Variants in ACBD5 observed in about 807,000 individuals in gnomAD.
The protein encoded by ACBD5 is acyl-CoA-binding domain-containing protein 5.
A neutral mutation model predicts 71.8 loss-of-function variants in ACBD5; 40 were observed. The observed-to-expected ratio is 0.56, with a 90% confidence interval of 0.43 to 0.72. ACBD5 has a LOEUF of 0.72. Among genes scored for constraint, ACBD5 ranks in the 30% least tolerant of loss-of-function variants. ACBD5 has a pLI of 0.00. For missense variants in ACBD5, 559 were observed against 644.5 expected (o/e 0.87, Z 1.44); for synonymous variants, 229 against 218.6 (o/e 1.05, Z -0.42).
chr10:27,239,586 AG>A, intron 2 of ACBD5, among the ~76,000 whole-genome samples: 1 of 128,150 alleles, frequency 7.8e-6, no homozygotes, highest in Non-Finnish European at 1.6e-5. Context: ...GCAAATAAAA[AG>A]GTAGAAAATA....
At chr10:27,234,529 T>C (rs1022530782) in intron 3 of ACBD5, among the ~76,000 whole-genome samples, 1 of 149,082 alleles carries the variant, frequency 6.7e-6, no homozygotes, top group South Asian at 2.1e-4. Flanking sequence ...TCCATGAAAG[T>C]AAAGATTAAC....
chr10:27,237,988 C>G (rs998733614), intron 2 of ACBD5, among the ~76,000 whole-genome samples: 3 of 150,164 alleles, frequency 2.0e-5, no homozygotes, highest in Non-Finnish European at 3.0e-5. Flanking sequence ...GAGTCTGGCT[C>G]TGTCACCCAG....
chr10:27,224,049 A>G (rs558373158), intron 4 of ACBD5, among the ~76,000 whole-genome samples: 8 of 152,104 alleles, frequency 5.3e-5, no homozygotes, highest in Non-Finnish European at 1.0e-4. Flanking sequence ...AATTTTATAC[A>G]ATAACTTATA....
chr10:27,219,856 A>T lies in ACBD5; in HGVS notation c.492T>A (p.Asp164Glu). ...GAGTAGAAGTGAGAACATTACCAAG[A>T]TCTAAAACATGAAATGACCACTTAC... ...KSGRSSDITS[D>E]LGNVLTSTPN... The change falls in exon 6 of 13, where the codon GAT becomes GAA. Residue 164 changes from aspartate (D) to glutamate (E), a missense_variant and splice_region_variant. Transcript: ENST00000396271. The T allele has an allele frequency of 6.2e-7, 1 of 1,613,764 alleles. No homozygotes were observed. Among genetic ancestry groups the T allele is most frequent in the Non-Finnish European group, 8.5e-7 (1 of 1,179,852 alleles).
At position 27,195,316 on chromosome 10, in the gene ACBD5, T is replaced by A. The variant is rs1263857836; in HGVS notation, c.*2114A>T. On this transcript the variant is annotated 3_prime_UTR_variant, in exon 13 of 13. Coordinates refer to ENST00000396271, the MANE Select transcript of ACBD5 (RefSeq NM_145698.5). ...AGCTGTCAAGTTTAAATGAGGTTCTTATTAAACAAAGCAGGAACACTATAT... is the reference window on the plus strand; with the variant it reads ...AGCTGTCAAGTTTAAATGAGGTTCTAATTAAACAAAGCAGGAACACTATAT... 2.2e-6 allele frequency: 1 copy of A among 451,418 alleles called. No individual in the cohort carries two copies. The allele number at this position is 451,418 out of a possible 1,614,324, so 28.0% of individuals were successfully genotyped here. A position where few individuals can be genotyped will look rare whatever the true frequency, so the allele number is the denominator to read the frequency against.
rs2063364889 is a variant in ACBD5 at position 27,228,440 on chromosome 10, G to A, written c.375+3308C>T. Among the ~76,000 whole-genome samples, 4 of 151,812 alleles carry A rather than the reference G, an allele frequency of 2.6e-5. No individual in the cohort carries two copies. The South Asian group carries it at 6.2e-4, about 24-fold the overall frequency. ...AAAATACAAAAAATTAGCCAGATGT[G>A]GTGGTTTGCGCCTGTAATCCCAGCT... On this transcript the variant is annotated intron_variant, in intron 4 of 12. Coordinates refer to ENST00000396271, the MANE Select transcript of ACBD5 (RefSeq NM_145698.5).
intron 4 of ACBD5, among the ~76,000 whole-genome samples, chr10:27,230,887 TA>T (rs967588012): frequency 1.8e-4 from 27 of 151,752 alleles, no homozygotes; most frequent in African/African-American, 6.0e-4. Flanking sequence ...TTGACACACT[TA>T]AAAGAGCTAG....
Position 27,215,546 on chromosome 10 carries a change from C to A in ACBD5, c.925G>T (p.Gly309Ter). Residue 309 changes from glycine (G) to a stop codon, truncating the protein, a stop_gained, in exon 8 of 13, where the codon GGA becomes TGA. Coordinates refer to ENST00000396271, the MANE Select transcript of ACBD5 (RefSeq NM_145698.5). LOFTEE classifies it high-confidence loss of function. ...EVYCDSMEQF[G>*]QEESLDSFTS... ...AATGTCATTTTTACCTCTTCTTGTC[C>A]AAATTGTTCCATAGAATCACAGTAA... 14 of 1,611,986 alleles carry A rather than the reference C, an allele frequency of 8.7e-6. No individual in the cohort carries two copies. Among genetic ancestry groups the A allele is most frequent in the Non-Finnish European group, 1.1e-5 (13 of 1,178,654 alleles).
chr10:27,226,902 C>G (rs2063116332), intron 4 of ACBD5, among the ~76,000 whole-genome samples: 1 of 151,910 alleles, frequency 6.6e-6, no homozygotes, highest in African/African-American at 2.4e-5. Context: ...GATCCACCCA[C>G]CTCGGCCTCC....
intron 5 of ACBD5, chr10:27,223,092 T>A (rs1161543533): frequency 4.4e-6 from 3 of 678,142 alleles, no homozygotes; most frequent in Non-Finnish European, 2.7e-6. Context: ...ATATAATGTG[T>A]TTGCCTGGAA....
chr10:27,230,548 G>A (rs925702815), intron 4 of ACBD5, among the ~76,000 whole-genome samples: 3 of 152,126 alleles, frequency 2.0e-5, no homozygotes, highest in Non-Finnish European at 4.4e-5. Flanking sequence ...CGTAATCCCA[G>A]AACTTTGGGA....
chr10:27,195,422 G>C lies in ACBD5; in HGVS notation c.*2008C>G, dbSNP rs746622033. 3.1e-5 allele frequency: 14 copies of C among 454,496 alleles called. No homozygotes were observed. Among genetic ancestry groups the C allele is most frequent in the South Asian group, 2.2e-4 (14 of 64,462 alleles). The allele number at this position is 454,496 out of a possible 1,614,324, so 28.2% of individuals were successfully genotyped here. ...AACTATAAAATAAGACTTTGGAACAGGATAGAAATGGTTATCCCTAGGAGT... is the reference window on the plus strand; with the variant it reads ...AACTATAAAATAAGACTTTGGAACACGATAGAAATGGTTATCCCTAGGAGT... On this transcript the variant is annotated 3_prime_UTR_variant, in exon 13 of 13. Coordinates refer to ENST00000396271, the MANE Select transcript of ACBD5 (RefSeq NM_145698.5).
chr10:27,219,036 T>A (rs1387148839), intron 6 of ACBD5, among the ~76,000 whole-genome samples: 1 of 152,126 alleles, frequency 6.6e-6, no homozygotes, highest in African/African-American at 2.4e-5. Flanking sequence ...GTGCGATGGC[T>A]CATGCCTATA....
At chr10:27,189,566 G>T (rs2058975207) in intron 13 of ACBD5, among the ~76,000 whole-genome samples, 1 of 123,900 alleles carries the variant, frequency 8.1e-6, no homozygotes, top group Non-Finnish European at 1.6e-5. Flanking sequence ...GGTGGGAATT[G>T]AACAATGAGA....
chr10:27,210,969 C>A lies in ACBD5; in HGVS notation c.1049G>T (p.Gly350Val), dbSNP rs765017746. The A allele has an allele frequency of 6.2e-7, 1 of 1,614,126 alleles. No individual in the cohort carries two copies. Among genetic ancestry groups the A allele is most frequent in the East Asian group, 2.2e-5 (1 of 44,878 alleles). ...GFREDIQVPP[G>V]NGNIGNMQVV... ...CTGCATATTCCCAATGTTGCCATTTCCAGGAGGTACTTGAATATCTTCACG... is the reference window on the plus strand; with the variant it reads ...CTGCATATTCCCAATGTTGCCATTTACAGGAGGTACTTGAATATCTTCACG... The change falls in exon 9 of 13, where the codon GGA becomes GTA. Residue 350 changes from glycine to valine, a missense_variant. Gly to Val is a moderately radical substitution (Grantham distance 109). Coordinates refer to ENST00000396271, the MANE Select transcript of ACBD5 (RefSeq NM_145698.5).
In ACBD5 at chr10:27,203,173, A is replaced by C. The variant is rs560489483; in HGVS notation, c.1565+1267T>G. 7.1e-4 allele frequency among the ~76,000 whole-genome samples: 107 copies of C among 151,598 alleles called. No homozygotes were observed. The South Asian group carries it at 0.013, about 18-fold the overall frequency. ...ATTTAATTTTTTAAATTTTTTGTGG[A>C]GACAGTCTCACTTTCTTGCCCAGGC... On this transcript the variant is annotated intron_variant, in intron 12 of 12. Transcript: ENST00000396271.
chr10:27,235,439 T>C (rs2064530708), intron 2 of ACBD5, among the ~76,000 whole-genome samples: 2 of 152,214 alleles, frequency 1.3e-5, no homozygotes, highest in South Asian at 4.1e-4. Context: ...CTAAGATGGT[T>C]CAATAAATAA....
chr10:27,213,639 C>T (rs2137168580), intron 8 of ACBD5, among the ~76,000 whole-genome samples: 1 of 152,148 alleles, frequency 6.6e-6, no homozygotes, highest in Middle Eastern at 3.4e-3. Context: ...TGTCTGTAAT[C>T]CCAGCTACTC....
chr10:27,198,083 C>T (rs74628338), intron 12 of ACBD5, among the ~76,000 whole-genome samples: 2,310 of 152,170 alleles, frequency 0.015, 53 homozygotes, highest in African/African-American at 0.052. Flanking sequence ...GAAACAAATG[C>T]GTAACAAAAC....
Sources: gnomAD v4.1 joint callset for allele counts (sites outside exome capture counted in the v4.1 genomes callset) on GRCh38, gnomAD v4.1.1 for gene constraint, MANE v1.5 for transcripts, NCBI Gene and HGNC (gene_info 2026-07-23, HGNC 2026-07-21) for gene names.